Variants in ANOS1 observed in about 807,000 individuals in gnomAD.
ANOS1 encodes the protein anosmin-1.
A neutral mutation model predicts 59.0 loss-of-function variants in ANOS1; 6 were observed. The observed-to-expected ratio is 0.10, with a 90% CI of 0.06 to 0.20. The LOEUF (loss-of-function observed/expected upper bound fraction) is 0.20, where lower values mean the gene tolerates loss of function less well. ANOS1 is among the 10% of genes least tolerant of loss of function. The probability of loss-of-function intolerance (pLI) is 1.00; values close to 1 mark genes in which losing one functional copy is unlikely to be tolerated. For missense variants in ANOS1, 433 were observed against 542.3 expected, an observed-to-expected ratio of 0.80 and a Z score of 2.00; for synonymous variants, 217 against 223.4, an observed-to-expected ratio of 0.97 and a Z score of 0.25.
chrX:8,728,892 T>C (rs1932943961), intron 1 of ANOS1, among the ~76,000 whole-genome samples: 2 of 111,839 alleles, frequency 1.8e-5, no homozygotes, highest in African/African-American at 6.5e-5. Context: ...ACAGCCACTT[T>C]GTGCAGGTGG....
intron 2 of ANOS1, among the ~76,000 whole-genome samples, chrX:8,628,831 C>T (rs138232461): frequency 1.9e-3 from 214 of 112,237 alleles, no homozygotes; most frequent in African/African-American, 6.6e-3. Context: ...CATATGTCAT[C>T]GTTTGGCAGG....
chrX:8,587,398 G>T (rs1193502328), intron 5 of ANOS1, among the ~76,000 whole-genome samples: 1 of 111,609 alleles, frequency 9.0e-6, no homozygotes, highest in African/African-American at 3.3e-5. Flanking sequence ...GAATAAAGGT[G>T]TAAATGCAGG....
intron 1 of ANOS1, among the ~76,000 whole-genome samples, chrX:8,706,358 C>A (rs1932779869): frequency 8.9e-6 from 1 of 112,512 alleles, no homozygotes; most frequent in Admixed American, 9.4e-5. Context: ...CACCATAGAC[C>A]TTAACTTTAC....
At chrX:8,653,138 G>A (rs1035989600) in intron 2 of ANOS1, among the ~76,000 whole-genome samples, 4 of 111,732 alleles carry the variant, frequency 3.6e-5, no homozygotes, top group Admixed American at 2.9e-4. Flanking sequence ...TTATAGGCAT[G>A]AGCCACTGTG....
At chrX:8,634,404 G>C (rs953129741) in intron 2 of ANOS1, among the ~76,000 whole-genome samples, 2 of 111,561 alleles carry the variant, frequency 1.8e-5, no homozygotes, top group South Asian at 7.5e-4. Flanking sequence ...GGTAACGACT[G>C]GTAAGTCTAG....
intron 8 of ANOS1, among the ~76,000 whole-genome samples, chrX:8,564,581 C>T (rs1373444146): frequency 9.0e-6 from 1 of 111,556 alleles, no homozygotes; most frequent in Non-Finnish European, 1.9e-5. Context: ...AATCCATGGT[C>T]TCTGATGTAG....
chrX:8,570,689 G>T lies in ANOS1; in HGVS notation c.872C>A (p.Pro291Gln). 1 of 1,210,590 alleles carries T rather than the reference G, an allele frequency of 8.3e-7. No individual in the cohort carries two copies. Residue 291 changes from proline to glutamine, a missense_variant, in exon 7 of 14, where the codon CCA becomes CAA. Coordinates refer to ENST00000262648, the MANE Select transcript of ANOS1 (RefSeq NM_000216.4). Reference sequence around the variant, plus strand: ...GGCCAGCCGGAGGTTAGCCGGTGCTGGTGGGGCAGATGGATCTGAAATCCC... The same window carrying T: ...GGCCAGCCGGAGGTTAGCCGGTGCTTGTGGGGCAGATGGATCTGAAATCCC... The part of the protein sequence containing the change: ...FRSSKDPSAP[P>Q]APANLRLANS...
At chrX:8,586,142 T>C (rs1930505931) in intron 5 of ANOS1, among the ~76,000 whole-genome samples, 1 of 111,954 alleles carries the variant, frequency 8.9e-6, no homozygotes, top group African/African-American at 3.2e-5. Context: ...TTCCAAGAAA[T>C]AACCATCTAC....
At chrX:8,613,965 T>C (rs5934460) in intron 3 of ANOS1, among the ~76,000 whole-genome samples, 42,537 of 111,161 alleles carry the variant, frequency 0.38, 5,810 homozygotes, top group South Asian at 0.44. Context: ...CTGAATACCA[T>C]ATGCCTACTG....
chrX:8,654,916 G>A (rs1249375738), intron 2 of ANOS1, among the ~76,000 whole-genome samples: 3 of 112,213 alleles, frequency 2.7e-5, no homozygotes, highest in Non-Finnish European at 5.6e-5. Context: ...GTCCAAACAC[G>A]AAGTTTCAAT....
intron 9 of ANOS1, among the ~76,000 whole-genome samples, chrX:8,545,401 AAGGAAGGAAGGC>A (rs1196837379): frequency 1.9e-5 from 2 of 105,404 alleles, no homozygotes; most frequent in African/African-American, 6.9e-5. Context: ...GGAAGGAAGG[AAGGAAGGAAGGC>A]AGGCAGGCAG....
chrX:8,576,907 C>T (rs887883098), intron 6 of ANOS1, among the ~76,000 whole-genome samples: 1 of 111,825 alleles, frequency 8.9e-6, no homozygotes, highest in South Asian at 3.8e-4. Flanking sequence ...CATTGATAGG[C>T]CTTTTCTGGA....
chrX:8,671,481 T>G (rs1224681975), intron 2 of ANOS1, among the ~76,000 whole-genome samples: 1 of 110,908 alleles, frequency 9.0e-6, no homozygotes, highest in African/African-American at 3.3e-5. Context: ...TTCTGCTCCA[T>G]GAAGGCACGG....
At chrX:8,563,547 G>A (rs180732005) in intron 8 of ANOS1, among the ~76,000 whole-genome samples, 19 of 112,487 alleles carry the variant, frequency 1.7e-4, no homozygotes, top group African/African-American at 3.9e-4. Flanking sequence ...CAAATGGCTT[G>A]TAAAAGATGT....
At chrX:8,701,936 C>A (rs1932758609) in intron 1 of ANOS1, among the ~76,000 whole-genome samples, 1 of 111,721 alleles carries the variant, frequency 9.0e-6, no homozygotes, top group African/African-American at 3.3e-5. Flanking sequence ...AACTATGAAA[C>A]CTCTCTAGCA....
intron 8 of ANOS1, among the ~76,000 whole-genome samples, chrX:8,562,088 G>A (rs868001207): frequency 9.1e-6 from 1 of 109,639 alleles, no homozygotes; most frequent in Non-Finnish European, 1.9e-5. Flanking sequence ...CTACAGGCAC[G>A]CATCACCATG....
chrX:8,597,723 G>A (rs1930769758), intron 3 of ANOS1, among the ~76,000 whole-genome samples: 1 of 88,458 alleles, frequency 1.1e-5, no homozygotes, highest in Admixed American at 1.5e-4. Flanking sequence ...CCAGGCTGGA[G>A]TGCAGTGGTG....
At chrX:8,673,738 C>T (rs757136822) in intron 2 of ANOS1, among the ~76,000 whole-genome samples, 2 of 111,448 alleles carry the variant, frequency 1.8e-5, no homozygotes, top group Non-Finnish European at 3.8e-5. Context: ...TAAGTGGTCA[C>T]GTTAGGTAAG....
chrX:8,619,350 A>G (rs1931240029), intron 3 of ANOS1, among the ~76,000 whole-genome samples: 1 of 111,855 alleles, frequency 8.9e-6, no homozygotes, highest in Non-Finnish European at 1.9e-5. Context: ...TCACGCCTGT[A>G]ATCCCAGCAC....
Sources: gnomAD v4.1 joint callset for allele counts (sites outside exome capture counted in the v4.1 genomes callset) on GRCh38, gnomAD v4.1.1 for gene constraint, MANE v1.5 for transcripts, NCBI Gene and HGNC (gene_info 2026-07-23, HGNC 2026-07-21) for gene names.